Variants in BCAS3 observed in about 807,000 individuals in gnomAD.
The protein encoded by BCAS3 is BCAS4/BCAS3 fusion.
A neutral mutation model predicts 116.1 loss-of-function variants in BCAS3; 53 were observed. The observed-to-expected ratio is 0.46, with a 90% CI of 0.37 to 0.57. The LOEUF is 0.57. Ranked by LOEUF, BCAS3 falls within the 20% of genes least tolerant of loss-of-function variation. The pLI, the probability that BCAS3 is intolerant of heterozygous loss-of-function variation, is 0.00. For synonymous variants in BCAS3, 391 were observed against 408.2 expected (o/e 0.96, Z 0.51); for missense variants, 917 against 1,165.4 (o/e 0.79, Z 3.10).
At chr17:60,723,231 T>C (rs1017224841) in intron 5 of BCAS3, among the ~76,000 whole-genome samples, 27 of 152,086 alleles carry the variant, frequency 1.8e-4, no homozygotes, top group African/African-American at 6.3e-4. Context: ...CATAAATTAT[T>C]ATTATTATTT....
chr17:61,144,012 T>C lies in BCAS3; in HGVS notation c.2425+59448T>C, dbSNP rs1332053691. On this transcript the variant is annotated intron_variant, in intron 22 of 23. Coordinates refer to ENST00000407086, the MANE Select transcript of BCAS3 (RefSeq NM_017679.5). The surrounding 1 kb of genome is among the most constrained non-coding windows in gnomAD (Gnocchi z 5.0). ...TCTGAAATACTAAATTCCCATAACCTATGCAAATTACATTTTAGGCAAGTA... is the reference window on the plus strand; with the variant it reads ...TCTGAAATACTAAATTCCCATAACCCATGCAAATTACATTTTAGGCAAGTA... 2.6e-5 allele frequency among the ~76,000 whole-genome samples: 4 copies of C among 152,200 alleles called. No homozygotes were observed. The highest frequency in any genetic ancestry group is 4.8e-5 in the African/African-American group (2 of 41,448).
chr17:61,128,093 G>C lies in BCAS3; in HGVS notation c.2425+43529G>C. 1.4e-6 allele frequency: 1 copy of C among 700,488 alleles called. No individual in the cohort carries two copies. Among genetic ancestry groups the C allele is most frequent in the Non-Finnish European group, 1.8e-6 (1 of 570,242 alleles). 43.4% of individuals were successfully genotyped at this position (700,488 alleles called of 1,614,324 possible). A position where few individuals can be genotyped will look rare whatever the true frequency, so the allele number is the denominator to read the frequency against. ...AGGAGTTTGAATGTAATTACCCAAA[G>C]TTTGGCTTTTCTTTTAAAGAACCCA... On this transcript the variant is annotated intron_variant, in intron 22 of 23. Coordinates refer to ENST00000407086, the MANE Select transcript of BCAS3 (RefSeq NM_017679.5). This position sits in a 1 kb window ranked among gnomAD's most constrained non-coding sequence, Gnocchi z 4.1.
At position 61,222,526 on chromosome 17, in the gene BCAS3, C is replaced by T. The variant is rs1297993994; in HGVS notation, c.2425+137962C>T. Reference sequence around the variant, plus strand: ...TGCTCAGCGGTGTTTGCCTGAGGTACAGATGTTTCGTGGATCTCCCCTGGT... The same window carrying T: ...TGCTCAGCGGTGTTTGCCTGAGGTATAGATGTTTCGTGGATCTCCCCTGGT... On this transcript the variant is annotated intron_variant, in intron 22 of 23. Coordinates refer to ENST00000407086, the MANE Select transcript of BCAS3 (RefSeq NM_017679.5). The surrounding 1 kb of genome is among the most constrained non-coding windows in gnomAD (Gnocchi z 6.1). Among the ~76,000 whole-genome samples, 1 of 152,200 alleles carries T rather than the reference C, an allele frequency of 6.6e-6. No individual in the cohort carries two copies. Among genetic ancestry groups the T allele is most frequent in the Non-Finnish European group, 1.5e-5 (1 of 68,032 alleles).
intron 22 of BCAS3, among the ~76,000 whole-genome samples, chr17:61,268,064 T>A (rs1187616983): frequency 2.0e-5 from 3 of 150,062 alleles, no homozygotes; most frequent in African/African-American, 7.6e-5. Flanking sequence ...ACAGACAGAC[T>A]GTCATTCACT....
intron 13 of BCAS3, among the ~76,000 whole-genome samples, chr17:60,943,323 G>A (rs931674292): frequency 4.6e-5 from 7 of 152,074 alleles, no homozygotes; most frequent in Non-Finnish European, 1.0e-4. Context: ...GAGAGTGAGC[G>A]AGTGTGAGAG....
At chr17:61,125,057 A>G (rs1209815146) in intron 22 of BCAS3, among the ~76,000 whole-genome samples, 1 of 152,242 alleles carries the variant, frequency 6.6e-6, no homozygotes, top group East Asian at 1.9e-4. Context: ...AACTAAAAAG[A>G]TAGATTTAAA....
intron 19 of BCAS3, among the ~76,000 whole-genome samples, chr17:61,058,389 C>T (rs1338889411): frequency 2.0e-5 from 3 of 152,158 alleles, no homozygotes; most frequent in Non-Finnish European, 4.4e-5. Flanking sequence ...TGAAGAACAT[C>T]TGTAACAACC....
intron 14 of BCAS3, among the ~76,000 whole-genome samples, chr17:60,970,908 A>C (rs1395979641): frequency 6.6e-6 from 1 of 152,222 alleles, no homozygotes; most frequent in Non-Finnish European, 1.5e-5. Flanking sequence ...CAAACCCAAC[A>C]ACTGCAGAAT....
chr17:61,220,364 A>G lies in BCAS3; in HGVS notation c.2425+135800A>G, dbSNP rs1315184532. On this transcript the variant is annotated intron_variant, in intron 22 of 23. Transcript: ENST00000407086. The surrounding 1 kb of genome is among the most constrained non-coding windows in gnomAD (Gnocchi z 4.5). ...GGAGTCACAATAATCTATTTGGAGA[A>G]TATCAGGCCCACAGCTTCTATTTTC... Among the ~76,000 whole-genome samples the G allele has an allele frequency of 1.3e-5, 2 of 152,196 alleles. No homozygotes were observed. The highest frequency in any genetic ancestry group is 4.8e-5 in the African/African-American group (2 of 41,446).
chr17:61,187,891 G>T (rs2079874268), intron 22 of BCAS3, among the ~76,000 whole-genome samples: 1 of 150,774 alleles, frequency 6.6e-6, no homozygotes, highest in Non-Finnish European at 1.5e-5. Context: ...AATTAATCTT[G>T]CCCAATTTTA....
At position 60,882,616 on chromosome 17, in the gene BCAS3, G is replaced by A. The variant is rs538727339; in HGVS notation, c.662-7079G>A. ...TTTAATCTATCTTGAATTGATTTTT[G>A]TATAAGGTGTAAGGAAGGGATCCAG... On this transcript the variant is annotated intron_variant, in intron 9 of 23. Coordinates refer to ENST00000407086, the MANE Select transcript of BCAS3 (RefSeq NM_017679.5). 1.4e-3 allele frequency among the ~76,000 whole-genome samples: 210 copies of A among 151,798 alleles called. 2 individuals carry two copies. The highest frequency in any genetic ancestry group is 3.9e-3 in the Admixed American group (60 of 15,254).
rs2061147087 is a variant in BCAS3 at position 60,956,608 on chromosome 17, C to G, written c.1221+9256C>G. Among the ~76,000 whole-genome samples, 1 of 152,170 alleles carries G rather than the reference C, an allele frequency of 6.6e-6. No individual in the cohort carries two copies. Among genetic ancestry groups the G allele is most frequent in the African/African-American group, 2.4e-5 (1 of 41,448 alleles). ...ATTTTGCTTAAGCTTCTTGGCATCTCTCATGCATAGAATGGAGCCTTGCAT... is the reference window on the plus strand; with the variant it reads ...ATTTTGCTTAAGCTTCTTGGCATCTGTCATGCATAGAATGGAGCCTTGCAT... On this transcript the variant is annotated intron_variant, in intron 14 of 23. Transcript: ENST00000407086. The surrounding 1 kb of genome is among the most constrained non-coding windows in gnomAD (Gnocchi z 4.2).
At chr17:61,129,975 AC>A (rs779738746) in intron 22 of BCAS3, among the ~76,000 whole-genome samples, 22 of 152,200 alleles carry the variant, frequency 1.4e-4, no homozygotes, top group Non-Finnish European at 2.8e-4. Flanking sequence ...TTTTCCATAG[AC>A]CACCAATGAT....
intron 9 of BCAS3, 56 bp from the exon 10 acceptor site, chr17:60,889,639 C>T (rs1354649543): frequency 1.4e-5 from 19 of 1,393,782 alleles, no homozygotes; most frequent in Non-Finnish European, 1.8e-5. Flanking sequence ...ATATATGATG[C>T]ACCAACAGAA....
At position 61,166,391 on chromosome 17, in the gene BCAS3, C is replaced by CT. The variant is rs748083151; in HGVS notation, c.2425+81851dup. ...TTATTGTTACTCTCTCTCTCTCTCTCTTTTTTTTTTTTTTTTTTTTTTTTG... is the reference window on the plus strand; with the variant it reads ...TTATTGTTACTCTCTCTCTCTCTCTCTTTTTTTTTTTTTTTTTTTTTTTTTG... On this transcript the variant is annotated intron_variant, in intron 22 of 23. Transcript: ENST00000407086. Among the ~76,000 whole-genome samples, 48 of 33,738 alleles carry CT rather than the reference C, an allele frequency of 1.4e-3. No individual in the cohort carries two copies. The East Asian group carries it at 0.015, about 11-fold the overall frequency. The allele number at this position is 33,738 out of a possible 152,430, so 22.1% of individuals were successfully genotyped here. A position where few individuals can be genotyped will look rare whatever the true frequency, so the allele number is the denominator to read the frequency against.
In BCAS3 at chr17:61,074,927, C is replaced by T. The variant is rs1485671617; in HGVS notation, c.2037C>T (p.Pro679=). 2 of 1,610,408 alleles carry T rather than the reference C, an allele frequency of 1.2e-6. No individual in the cohort carries two copies. Among genetic ancestry groups the T allele is most frequent in the Non-Finnish European group, 1.7e-6 (2 of 1,177,446 alleles). The change falls in exon 20 of 24, where the codon CCC becomes CCT. Residue 679 remains proline, a synonymous_variant. Coordinates refer to ENST00000407086, the MANE Select transcript of BCAS3 (RefSeq NM_017679.5). ...ATTTTCTTTCTCCTATAGTGGTTCCCCCTGGAAGTCCTGGGCCCATTACTC... is the reference window on the plus strand; with the variant it reads ...ATTTTCTTTCTCCTATAGTGGTTCCTCCTGGAAGTCCTGGGCCCATTACTC... The part of the protein sequence containing the change: ...YYQFLLAGLV[P]PGSPGPITRH...
intron 5 of BCAS3, among the ~76,000 whole-genome samples, chr17:60,739,178 TG>T (rs1336295989): frequency 1.3e-5 from 2 of 152,228 alleles, no homozygotes; most frequent in South Asian, 2.1e-4. Flanking sequence ...TCTTGTTTCT[TG>T]TATCATTGCT....
At chr17:60,770,884 G>T (rs919058496) in intron 6 of BCAS3, among the ~76,000 whole-genome samples, 1 of 113,700 alleles carries the variant, frequency 8.8e-6, no homozygotes, top group African/African-American at 2.9e-5. Flanking sequence ...GTCTCACTCT[G>T]TCACGCAGGC....
chr17:61,256,527 C>T lies in BCAS3; in HGVS notation c.2426-111800C>T, dbSNP rs981927563. ...CCATGTTTGCCAGGCCGGTCTCAAA[C>T]TCCTGGCCTCAAGTGATCCACCCAC... On this transcript the variant is annotated intron_variant, in intron 22 of 23. Transcript: ENST00000407086. The surrounding 1 kb of genome is among the most constrained non-coding windows in gnomAD (Gnocchi z 5.6). Among the ~76,000 whole-genome samples, 3 of 152,270 alleles carry T rather than the reference C, an allele frequency of 2.0e-5. No homozygotes were observed. The highest frequency in any genetic ancestry group is 2.0e-4 in the Admixed American group (3 of 15,296).
Sources: gnomAD v4.1 joint callset for allele counts (sites outside exome capture counted in the v4.1 genomes callset) on GRCh38, gnomAD v4.1.1 for gene constraint, Gnocchi (gnomAD v3.1) non-coding constraint, MANE v1.5 for transcripts, NCBI Gene and HGNC (gene_info 2026-07-23, HGNC 2026-07-21) for gene names.